Variants in ELMO1 observed in about 807,000 individuals in gnomAD.
ELMO1 encodes engulfment and cell motility 1, also known as engulfment and cell motility protein 1.
A neutral mutation model predicts 98.9 loss-of-function variants in ELMO1; 26 were observed. The observed-to-expected ratio is 0.26, with a 90% CI of 0.19 to 0.36. ELMO1 has a LOEUF of 0.36. ELMO1 is among the 10% of genes least tolerant of loss of function. The pLI, the probability that ELMO1 is intolerant of heterozygous loss-of-function variation, is 1.00. For missense variants in ELMO1, 627 were observed against 935.2 expected (o/e 0.67, Z 4.30); for synonymous variants, 346 against 346.0 (o/e 1.00, Z 0.00).
chr7:36,976,963 G>A (rs1034043226), intron 16 of ELMO1, among the ~76,000 whole-genome samples: 3 of 152,162 alleles, frequency 2.0e-5, no homozygotes, highest in Non-Finnish European at 2.9e-5. Context: ...GTAAAAACGT[G>A]GGCTTGGGAA....
chr7:37,029,390 C>T (rs1244925283), intron 15 of ELMO1, among the ~76,000 whole-genome samples: 1 of 149,438 alleles, frequency 6.7e-6, no homozygotes, highest in African/African-American at 2.5e-5. Context: ...CAAACAATTC[C>T]ATGCACACTG....
intron 15 of ELMO1, among the ~76,000 whole-genome samples, chr7:37,088,897 G>A (rs1353443111): frequency 6.6e-6 from 1 of 152,160 alleles, no homozygotes; most frequent in Non-Finnish European, 1.5e-5. Flanking sequence ...TAAACTTAAG[G>A]TTGAAATAGA....
rs369487698 is a variant in ELMO1, at chr7:36,949,042, G to C, written c.1438-54025C>G. On this transcript the variant is annotated intron_variant, in intron 16 of 21. Coordinates refer to ENST00000310758, the MANE Select transcript of ELMO1 (RefSeq NM_014800.11). ...AGCTAATTTTTGTATTTTTAGTAGA[G>C]AAGGGGTTTCACCATGTTGGTCAGG... 2.6e-4 allele frequency among the ~76,000 whole-genome samples: 40 copies of C among 152,198 alleles called. 1 individual carries two copies. The highest frequency in any genetic ancestry group is 9.6e-4 in the African/African-American group (40 of 41,518).
intron 13 of ELMO1, among the ~76,000 whole-genome samples, chr7:37,143,529 C>T (rs1298868463): frequency 1.3e-5 from 2 of 151,790 alleles, no homozygotes; most frequent in Non-Finnish European, 2.9e-5. Flanking sequence ...GCCTCAGCCT[C>T]CTGAGTAGCT....
intron 16 of ELMO1, among the ~76,000 whole-genome samples, chr7:36,904,819 C>G (rs181574996): frequency 3.9e-5 from 6 of 152,274 alleles, no homozygotes; most frequent in Admixed American, 3.9e-4. Context: ...GCAGTCTGCT[C>G]TTGAGATGAG....
At chr7:36,912,453 A>T (rs1202633353) in intron 16 of ELMO1, among the ~76,000 whole-genome samples, 1 of 152,196 alleles carries the variant, frequency 6.6e-6, no homozygotes, top group Non-Finnish European at 1.5e-5. Context: ...AGACTGTGTA[A>T]ATCATAGGAG....
chr7:37,127,272 G>A (rs901290604), intron 14 of ELMO1, among the ~76,000 whole-genome samples: 1 of 152,198 alleles, frequency 6.6e-6, no homozygotes, highest in Non-Finnish European at 1.5e-5. Context: ...GACCATGCTA[G>A]ACTTCAGAAG....
rs543961139 is a variant in ELMO1 at position 37,375,056 on chromosome 7, C to CA, written c.-73-32294dup. Among the ~76,000 whole-genome samples, 59 of 151,316 alleles carry CA rather than the reference C, an allele frequency of 3.9e-4. 1 individual carries two copies. Among genetic ancestry groups the CA allele is most frequent in the Middle Eastern group, 6.8e-3 (2 of 294 alleles). ...CCTGGGTGACAGAGCAAGAGTCTGT[C>CA]AAAAAAAAGAAGAAAAGAAAGAAAA... On this transcript the variant is annotated intron_variant, in intron 1 of 21. Transcript: ENST00000310758.
chr7:37,278,211 T>G (rs951867171), intron 4 of ELMO1, among the ~76,000 whole-genome samples: 1 of 150,272 alleles, frequency 6.7e-6, no homozygotes, highest in Non-Finnish European at 1.5e-5. Flanking sequence ...AGTTTCCAGT[T>G]ATGCGAATAC....
intron 16 of ELMO1, among the ~76,000 whole-genome samples, chr7:36,918,972 CTTCATTCA>C (rs59162769): frequency 8.6e-5 from 13 of 151,680 alleles, no homozygotes; most frequent in Admixed American, 7.2e-4. Context: ...GCAAGCATGC[CTTCATTCA>C]TTCATTCATT....
At chr7:37,325,759 G>C (rs374533238) in intron 2 of ELMO1, among the ~76,000 whole-genome samples, 1 of 152,152 alleles carries the variant, frequency 6.6e-6, no homozygotes, top group Non-Finnish European at 1.5e-5. Context: ...GCAGTTATTA[G>C]TAACGTTGGC....
chr7:37,209,098 T>C (rs991739128), intron 13 of ELMO1, among the ~76,000 whole-genome samples: 1 of 151,810 alleles, frequency 6.6e-6, no homozygotes, highest in African/African-American at 2.4e-5. Context: ...AAGACTAAAC[T>C]GTACAAGGAA....
At chr7:37,047,603 T>G (rs1375448998) in intron 15 of ELMO1, among the ~76,000 whole-genome samples, 1 of 152,250 alleles carries the variant, frequency 6.6e-6, no homozygotes, top group African/African-American at 2.4e-5. Context: ...CCTCTTTTCC[T>G]GACTGGGTCG....
rs1158491388 is a variant in ELMO1 at position 36,978,847 on chromosome 7, AGTT to A, written c.1437+34449_1437+34451del. Reference sequence around the variant, plus strand: ...TATTCCTCCTCAATAAACAAGGATGAGTTGTTAGGAGATATTAGATTTGAAGCA... The same window carrying A: ...TATTCCTCCTCAATAAACAAGGATGAGTTAGGAGATATTAGATTTGAAGCA... On this transcript the variant is annotated intron_variant, in intron 16 of 21. Coordinates refer to ENST00000310758, the MANE Select transcript of ELMO1 (RefSeq NM_014800.11). Among the ~76,000 whole-genome samples the A allele has an allele frequency of 2.0e-5, 3 of 152,304 alleles. No homozygotes were observed. The South Asian group carries it at 6.2e-4, about 32-fold the overall frequency.
intron 15 of ELMO1, among the ~76,000 whole-genome samples, chr7:37,080,268 C>CA (rs1239031648): frequency 6.6e-6 from 1 of 152,170 alleles, no homozygotes; most frequent in Non-Finnish European, 1.5e-5. Flanking sequence ...CTTGCTCTCC[C>CA]ACAGTCTAAT....
chr7:37,153,313 G>C (rs990443477), intron 13 of ELMO1, among the ~76,000 whole-genome samples: 7 of 152,126 alleles, frequency 4.6e-5, no homozygotes, highest in Admixed American at 1.3e-4. Flanking sequence ...TATGGAGGGC[G>C]AGCCAAAGCA....
At chr7:37,290,670 T>C (rs977425068) in intron 4 of ELMO1, among the ~76,000 whole-genome samples, 1 of 152,208 alleles carries the variant, frequency 6.6e-6, no homozygotes, top group African/African-American at 2.4e-5. Flanking sequence ...TTAAAGAATA[T>C]TCTAATAAAT....
chr7:37,077,179 C>A (rs1295523298), intron 15 of ELMO1, among the ~76,000 whole-genome samples: 1 of 152,000 alleles, frequency 6.6e-6, no homozygotes, highest in Non-Finnish European at 1.5e-5. Flanking sequence ...ATGGAGCTGG[C>A]GGGAGAAAAG....
At chr7:37,000,790 A>T (rs1792611484) in intron 16 of ELMO1, among the ~76,000 whole-genome samples, 1 of 152,056 alleles carries the variant, frequency 6.6e-6, no homozygotes, top group Non-Finnish European at 1.5e-5. Flanking sequence ...TATTTTTCCC[A>T]CTGGCCTGGA....
Sources: allele counts gnomAD v4.1 joint callset (sites outside exome capture counted in the v4.1 genomes callset), GRCh38; gene constraint gnomAD v4.1.1; transcripts MANE v1.5; gene names NCBI Gene and HGNC (gene_info 2026-07-23, HGNC 2026-07-21).